The following RBFOX1 variants were observed in gnomAD, a reference collection of about 807,000 sequenced individuals.
RBFOX1 encodes the protein RNA binding protein fox-1 homolog 1.
Under a neutral mutation model 57.7 loss-of-function variants are expected in RBFOX1, and 8 were observed. The observed-to-expected ratio is 0.14, with a 90% CI of 0.08 to 0.25. The LOEUF (loss-of-function observed/expected upper bound fraction) is 0.25. Among genes scored for constraint, RBFOX1 ranks in the 10% least tolerant of loss-of-function variants. The probability of loss-of-function intolerance (pLI) is 1.00; values close to 1 mark genes in which losing one functional copy is unlikely to be tolerated. For synonymous variants in RBFOX1, 326 were observed against 222.4 expected (o/e 1.47, Z -4.15); for missense variants, 611 against 548.5 (o/e 1.11, Z -1.14).
intron 4 of RBFOX1, among the ~76,000 whole-genome samples, chr16:6,003,463 G>A (rs377523685): frequency 1.3e-4 from 19 of 151,790 alleles, no homozygotes; most frequent in African/African-American, 3.9e-4. Flanking sequence ...TCTCGCCACC[G>A]CCCACCACCA....
chr16:6,468,110 A>G (rs546711997), intron 2 of RBFOX1, among the ~76,000 whole-genome samples: 2 of 152,254 alleles, frequency 1.3e-5, no homozygotes, highest in South Asian at 2.1e-4. Flanking sequence ...GCACAGAAAT[A>G]CTTTCTTGAA....
intron 3 of RBFOX1, among the ~76,000 whole-genome samples, chr16:6,713,127 T>G (rs7200105): frequency 2.9e-4 from 44 of 151,974 alleles, no homozygotes; most frequent in Non-Finnish European, 1.0e-4. Context: ...AGGTATTTCT[T>G]ACAGCAGTGT....
rs1459262826 is a variant in RBFOX1, at chr16:7,398,728, G to T, written c.28-119419G>T. Among the ~76,000 whole-genome samples, 5 of 152,326 alleles carry T rather than the reference G, an allele frequency of 3.3e-5. No individual in the cohort carries two copies. The East Asian group carries it at 7.7e-4, about 24-fold the overall frequency. On this transcript the variant is annotated intron_variant, in intron 4 of 15. Transcript: ENST00000550418. ...CGTAGTCGGGGCATGTGCTGAGTCT[G>T]ACTACAGTCTGACTACAAATCCCAG...
At chr16:6,616,065 G>A (rs2098136686) in intron 2 of RBFOX1, among the ~76,000 whole-genome samples, 1 of 152,150 alleles carries the variant, frequency 6.6e-6, no homozygotes, top group Non-Finnish European at 1.5e-5. Flanking sequence ...TCATCGGTGT[G>A]GAGGGCTGTG....
chr16:6,230,908 C>G (rs1373300647), intron 1 of RBFOX1, among the ~76,000 whole-genome samples: 1 of 152,128 alleles, frequency 6.6e-6, no homozygotes, highest in African/African-American at 2.4e-5. Flanking sequence ...TTTATGCAGA[C>G]AGTGTCAAAT....
chr16:6,083,853 G>A (rs1036634138), intron 1 of RBFOX1, among the ~76,000 whole-genome samples: 8 of 152,028 alleles, frequency 5.3e-5, no homozygotes, highest in Admixed American at 4.6e-4. Context: ...AACCCCGGGG[G>A]ACACTGGCAA....
intron 4 of RBFOX1, among the ~76,000 whole-genome samples, chr16:7,295,829 G>A (rs1226815063): frequency 6.6e-6 from 1 of 152,128 alleles, no homozygotes; most frequent in East Asian, 1.9e-4. Flanking sequence ...ATAAACTCTG[G>A]TGATCCAACA....
At chr16:7,374,718 G>A (rs59274443) in intron 4 of RBFOX1, among the ~76,000 whole-genome samples, 4,262 of 152,162 alleles carry the variant, frequency 0.028, 136 homozygotes, top group South Asian at 0.074. Context: ...ACACGTACTC[G>A]GTCCCCTTCT....
In RBFOX1 at chr16:5,545,882, G is replaced by T. The variant is rs529732013; in HGVS notation, c.259-53020G>T. Among the ~76,000 whole-genome samples, 4 of 152,214 alleles carry T rather than the reference G, an allele frequency of 2.6e-5. 1 individual carries two copies. In the South Asian group the frequency reaches 8.3e-4, roughly 32 times the overall value. On this transcript the variant is annotated intron_variant, in intron 2 of 2. Transcript: ENST00000585867. The stretch of plus-strand genomic sequence containing the variant: ...AACCCAGAAAGTAAAGGATAAAATA[G>T]ATGTGTCTTTATTTACAGATAGCAA...
intron 3 of RBFOX1, among the ~76,000 whole-genome samples, chr16:5,776,400 A>G (rs564723732): frequency 6.6e-6 from 1 of 152,322 alleles, no homozygotes; most frequent in East Asian, 1.9e-4. Context: ...CACGGCCACC[A>G]TTTTAACCTG....
intron 3 of RBFOX1, among the ~76,000 whole-genome samples, chr16:6,780,863 T>A (rs964659102): frequency 1.3e-5 from 2 of 152,142 alleles, no homozygotes; most frequent in African/African-American, 4.8e-5. Flanking sequence ...TGTACCAAGT[T>A]GTTTGAGCTC....
chr16:7,173,282 G>A (rs912015868), intron 4 of RBFOX1, among the ~76,000 whole-genome samples: 11 of 152,098 alleles, frequency 7.2e-5, no homozygotes, highest in Non-Finnish European at 1.2e-4. Context: ...CAAATCCAAC[G>A]TGCATTTAGA....
At chr16:5,567,305 C>G (rs2046107344) in intron 2 of RBFOX1, among the ~76,000 whole-genome samples, 1 of 152,174 alleles carries the variant, frequency 6.6e-6, no homozygotes, top group Admixed American at 6.6e-5. Flanking sequence ...CTGTGTGTTG[C>G]AGCACTTTGG....
chr16:6,727,191 C>A (rs945215290), intron 3 of RBFOX1, among the ~76,000 whole-genome samples: 1 of 152,022 alleles, frequency 6.6e-6, no homozygotes, highest in South Asian at 2.1e-4. Context: ...AGGTGAGACT[C>A]ACTATCCTGC....
intron 4 of RBFOX1, among the ~76,000 whole-genome samples, chr16:7,317,285 A>G (rs2096462156): frequency 6.6e-6 from 1 of 152,174 alleles, no homozygotes; most frequent in Non-Finnish European, 1.5e-5. Context: ...CCCTGAAGTC[A>G]GACTTCGGCA....
chr16:5,265,310 AACC>A (rs1453209215), intron 1 of RBFOX1, among the ~76,000 whole-genome samples: 2 of 149,954 alleles, frequency 1.3e-5, no homozygotes, highest in Non-Finnish European at 3.0e-5. Flanking sequence ...TACAGCCATG[AACC>A]ACCCTAACTC....
At chr16:6,767,935 TAATAATAATAATAAG>T (rs201404176) in intron 3 of RBFOX1, among the ~76,000 whole-genome samples, 998 of 93,138 alleles carry the variant, frequency 0.011, 6 homozygotes, top group African/African-American at 0.029. Flanking sequence ...ATAATAATAA[TAATAATAATAATAAG>T]AAGAAGAAGA....
exon 3 of RBFOX1, chr16:5,599,015 C>T (rs2047277953): frequency 7.2e-7 from 1 of 1,397,792 alleles, no homozygotes; most frequent in African/African-American, 1.4e-5. Context: ...CTTTTGCATC[C>T]TTTTCAGCCT....
intron 2 of RBFOX1, among the ~76,000 whole-genome samples, chr16:5,512,857 C>T (rs1015530515): frequency 6.6e-6 from 1 of 152,162 alleles, no homozygotes; most frequent in African/African-American, 2.4e-5. Context: ...GTATCCAGGA[C>T]ACAACATTAC....
Sources: gnomAD v4.1 joint callset for allele counts (sites outside exome capture counted in the v4.1 genomes callset) on GRCh38, gnomAD v4.1.1 for gene constraint, MANE v1.5 for transcripts, NCBI Gene and HGNC (gene_info 2026-07-23, HGNC 2026-07-21) for gene names.